The following MYCBPAP variants were observed in gnomAD, a reference collection of about 807,000 sequenced individuals.
MYCBPAP encodes MYCBP-associated protein.
Under a neutral mutation model 106.1 loss-of-function variants are expected in MYCBPAP, and 60 were observed. The observed-to-expected ratio is 0.57, with a 90% confidence interval of 0.46 to 0.70. The LOEUF (loss-of-function observed/expected upper bound fraction) is 0.70, where lower values mean the gene tolerates loss of function less well. Among genes scored for constraint, MYCBPAP ranks in the 30% least tolerant of loss-of-function variants. MYCBPAP has a pLI of 0.00. For missense variants in MYCBPAP, 1,064 were observed against 1,169.3 expected, an observed-to-expected ratio of 0.91 and a Z score of 1.31; for synonymous variants, 407 against 440.6, an observed-to-expected ratio of 0.92 and a Z score of 0.95.
intron 13 of MYCBPAP, 104 bp downstream of exon 13, chr17:50,525,127 T>C (rs2034415313): frequency 1.4e-6 from 2 of 1,385,590 alleles, no homozygotes; most frequent in African/African-American, 2.9e-5. Context: ...GAGCCAGCAT[T>C]ACTGCCTGAG....
At chr17:50,522,709 A>AAAAAAAAAAATAT in intron 10 of MYCBPAP, 11 of 50,040 alleles carry the variant, frequency 2.2e-4, no homozygotes, top group African/African-American at 1.3e-3. Context: ...AAAAAAAAAA[A>AAAAAAAAAAATAT]ATATATATAT....
chr17:50,523,984 G>A (rs750693691), intron 12 of MYCBPAP, among the ~76,000 whole-genome samples, 200 bp downstream of exon 12: 19 of 152,242 alleles, frequency 1.2e-4, no homozygotes, highest in Admixed American at 5.2e-4. Context: ...AGGCAGGCAT[G>A]GAGCAGCTTG....
Position 50,521,307 on chromosome 17 carries a change from C to G in MYCBPAP, c.1033-9C>G. 1 of 1,597,114 alleles carries G rather than the reference C, an allele frequency of 6.3e-7. No homozygotes were observed. The highest frequency in any genetic ancestry group is 8.5e-7 in the Non-Finnish European group (1 of 1,170,744). Reference sequence around the variant, plus strand: ...GTCAGCTCATCTTACCTTTCTCCATCTCTCGGAGGATATTGATGGCCTGGA... The same window carrying G: ...GTCAGCTCATCTTACCTTTCTCCATGTCTCGGAGGATATTGATGGCCTGGA... On this transcript the variant is annotated splice_polypyrimidine_tract_variant and intron_variant, in intron 8 of 18. Coordinates refer to ENST00000323776, the MANE Select transcript of MYCBPAP (RefSeq NM_032133.6).
intron 12 of MYCBPAP, among the ~76,000 whole-genome samples, 153 bp from the exon 13 acceptor site, chr17:50,524,724 G>A (rs2034393996): frequency 1.2e-5 from 1 of 80,556 alleles, no homozygotes; most frequent in South Asian, 4.2e-4. Flanking sequence ...GTGTGTGTGT[G>A]TGTGTGTGTG....
chr17:50,527,375 G>A lies in MYCBPAP; in HGVS notation c.2258G>A (p.Arg753Lys), dbSNP rs886566750. 8.7e-6 allele frequency: 14 copies of A among 1,613,998 alleles called. No individual in the cohort carries two copies. Among genetic ancestry groups the A allele is most frequent in the East Asian group, 2.2e-5 (1 of 44,894 alleles). ...GCCCTGGAGCTGTGCCAGAAGCCAA[G>A]GCCATTGCAGTCCAACCTCCTGCAC... is the stretch of plus-strand genomic sequence containing the variant. ...KAALELCQKP[R>K]PLQSNLLHQM... is the part of the protein sequence containing the mutation. The change falls in exon 15 of 19, where the codon AGG becomes AAG. Residue 753 changes from arginine to lysine, a missense_variant. Coordinates refer to ENST00000323776, the MANE Select transcript of MYCBPAP (RefSeq NM_032133.6).
In MYCBPAP at chr17:50,508,883, A is replaced by G. The variant is rs2033717010; in HGVS notation, c.76+133A>G. 1.4e-5 allele frequency: 12 copies of G among 866,372 alleles called. No homozygotes were observed. In the South Asian group the frequency reaches 1.4e-4, roughly 10 times the overall value. The allele number at this position is 866,372 out of a possible 1,614,324, so 53.7% of individuals were successfully genotyped here. On this transcript the variant is annotated intron_variant, in intron 1 of 18. Transcript: ENST00000323776. ...AGGAAAGATCACGGGGAAGTGGGGT[A>G]CTGGGCATAGGACCCTTAGGGATGG...
At chr17:50,527,205 C>T in intron 14 of MYCBPAP, 82 bp from the exon 15 acceptor site, 1 of 1,575,412 alleles carries the variant, frequency 6.3e-7, no homozygotes, top group Non-Finnish European at 8.7e-7. Context: ...TCCCCTGCCA[C>T]CCATCCCCAC....
At chr17:50,526,771 C>T (rs538525940) in intron 14 of MYCBPAP, among the ~76,000 whole-genome samples, 1 of 152,132 alleles carries the variant, frequency 6.6e-6, no homozygotes, top group South Asian at 2.1e-4. Context: ...TTTGTAGAGA[C>T]GGGGTTTCGC....
intron 4 of MYCBPAP, 129 bp from the exon 5 acceptor site, chr17:50,518,411 TG>T: frequency 1.4e-6 from 1 of 715,586 alleles, no homozygotes. Context: ...CTGGCTACTC[TG>T]GAGTCCTGAA....
chr17:50,530,498 A>C (rs2034599642), intron 18 of MYCBPAP, among the ~76,000 whole-genome samples: 1 of 54,042 alleles, frequency 1.9e-5, no homozygotes, highest in Non-Finnish European at 3.9e-5. Context: ...TCTTACCTCC[A>C]AAAAAAAAGA....
At chr17:50,531,134 A>G (rs1234046458) in intron 18 of MYCBPAP, among the ~76,000 whole-genome samples, 193 bp from the exon 19 acceptor site, 7 of 142,956 alleles carry the variant, frequency 4.9e-5, no homozygotes, top group Non-Finnish European at 7.6e-5. Context: ...CCTGGGTGAC[A>G]GAGTGAGATC....
chr17:50,512,751 G>A (rs898774923), intron 1 of MYCBPAP, among the ~76,000 whole-genome samples: 3 of 152,166 alleles, frequency 2.0e-5, no homozygotes, highest in Non-Finnish European at 4.4e-5. Flanking sequence ...GGCTTGGTAA[G>A]CACTCTCGAG....
At chr17:50,517,548 G>A in intron 3 of MYCBPAP, 47 bp from the exon 4 acceptor site, 2 of 1,613,658 alleles carry the variant, frequency 1.2e-6, no homozygotes, top group South Asian at 1.1e-5. Flanking sequence ...CCTCTTGAAA[G>A]TTGTCCACCC....
At chr17:50,524,640 A>C (rs1198842154) in intron 12 of MYCBPAP, among the ~76,000 whole-genome samples, 1 of 151,624 alleles carries the variant, frequency 6.6e-6, no homozygotes, top group Non-Finnish European at 1.5e-5. Context: ...CCTCCTCTGG[A>C]TCCTTTTCAT....
In MYCBPAP at chr17:50,527,370, GC is replaced by G; in HGVS notation, c.2255del (p.Pro752GlnfsTer20). ...AAGCAGCCCTGGAGCTGTGCCAGAA[GC>G]CAAGGCCATTGCAGTCCAACCTCCT... ...NKAALELCQK[P>X]RPLQSNLLHQ... On this transcript the variant is annotated frameshift_variant, in exon 15 of 19. Coordinates refer to ENST00000323776, the MANE Select transcript of MYCBPAP (RefSeq NM_032133.6). LOFTEE classifies it high-confidence loss of function. 6.2e-7 allele frequency: 1 copy of G among 1,614,142 alleles called. No homozygotes were observed. Among genetic ancestry groups the G allele is most frequent in the Non-Finnish European group, 8.5e-7 (1 of 1,180,022 alleles).
chr17:50,528,595 C>A, intron 16 of MYCBPAP, 100 bp from the exon 17 acceptor site: 1 of 1,476,784 alleles, frequency 6.8e-7, no homozygotes, highest in South Asian at 1.3e-5. Flanking sequence ...AAGGCTATTG[C>A]CCTTTGCTTT....
At chr17:50,524,092 C>T (rs1246113757) in intron 12 of MYCBPAP, among the ~76,000 whole-genome samples, 1 of 152,226 alleles carries the variant, frequency 6.6e-6, no homozygotes, top group Admixed American at 6.5e-5. Flanking sequence ...ATGTACTGGT[C>T]TGTGTTTTGT....
intron 18 of MYCBPAP, 84 bp from the exon 19 acceptor site, chr17:50,531,243 C>T: frequency 1.3e-6 from 1 of 775,916 alleles, no homozygotes. Flanking sequence ...TTTCCCCTCT[C>T]CAGCTATTCT....
chr17:50,524,451 A>T (rs73334097), intron 12 of MYCBPAP, among the ~76,000 whole-genome samples: 3,184 of 152,238 alleles, frequency 0.021, 114 homozygotes, highest in African/African-American at 0.072. Context: ...TGTACAACCC[A>T]TGTCTCACAC....
Sources: allele counts gnomAD v4.1 joint callset (sites outside exome capture counted in the v4.1 genomes callset), GRCh38; gene constraint gnomAD v4.1.1; transcripts MANE v1.5; gene names NCBI Gene and HGNC (gene_info 2026-07-23, HGNC 2026-07-21).